POLN: variants seen among roughly 807,000 people sequenced by gnomAD.
The protein encoded by POLN is DNA polymerase N.
In POLN, 108 loss-of-function variants were observed where a neutral mutation model predicts 113.5. The observed-to-expected ratio is 0.95, with a 90% confidence interval of 0.81 to 1.12. The LOEUF (loss-of-function observed/expected upper bound fraction) is 1.12. Ranked by LOEUF, POLN falls within the 50% of genes most tolerant of loss-of-function variation. POLN has a pLI of 0.00. For missense variants in POLN, 1,097 were observed against 1,077.1 expected (o/e 1.02, Z -0.26); for synonymous variants, 386 against 391.5 (o/e 0.99, Z 0.17).
At chr4:2,146,787 C>T (rs961920947) in intron 16 of POLN, among the ~76,000 whole-genome samples, 5 of 151,996 alleles carry the variant, frequency 3.3e-5, no homozygotes, top group South Asian at 2.1e-4. Context: ...AAAAGTATCT[C>T]GACAGAGGTA....
Position 2,208,272 on chromosome 4 carries a change from A to C in POLN, c.429T>G (p.Asn143Lys), listed in dbSNP as rs1346276559. 1 of 1,589,022 alleles carries C rather than the reference A, an allele frequency of 6.3e-7. No homozygotes were observed. Among genetic ancestry groups the C allele is most frequent in the Admixed American group, 1.7e-5 (1 of 58,310 alleles). Residue 143 changes from asparagine to lysine, a missense_variant, in exon 5 of 26, where the codon AAT becomes AAG. By Grantham distance (94) the Asn-to-Lys change is moderately conservative. Coordinates refer to ENST00000511885, the MANE Select transcript of POLN (RefSeq NM_181808.4). ...GHKRKHFLME[N>K]INNENKGSIN... ...TGCTTCCTTTATTTTCATTATTTAT[A>C]TTCTCCATTAGGAAATGCTTTCTTT...
At chr4:2,075,311 G>C in intron 24 of POLN, 141 bp downstream of exon 24, 1 of 944,166 alleles carries the variant, frequency 1.1e-6, no homozygotes, top group South Asian at 1.7e-5. Flanking sequence ...CAGGACCCAG[G>C]TGACACAGCA....
At chr4:2,160,908 A>G (rs1358681513) in intron 13 of POLN, among the ~76,000 whole-genome samples, 1 of 152,142 alleles carries the variant, frequency 6.6e-6, no homozygotes, top group African/African-American at 2.4e-5. Flanking sequence ...TAGATACACA[A>G]TTCACCTGGA....
chr4:2,156,593 C>A, intron 16 of POLN, 195 bp downstream of exon 16: 1 of 654,930 alleles, frequency 1.5e-6, no homozygotes, highest in Non-Finnish European at 2.8e-6. Context: ...GCTAACTCAG[C>A]ACTTCATGAG....
chr4:2,188,367 G>A (rs922454596), intron 7 of POLN, among the ~76,000 whole-genome samples: 12 of 152,136 alleles, frequency 7.9e-5, no homozygotes, highest in African/African-American at 2.2e-4. Flanking sequence ...TTGGGAGGCC[G>A]AGGTGGGCAG....
chr4:2,134,519 T>TTTTG (rs36043791), intron 16 of POLN, among the ~76,000 whole-genome samples: 1 of 152,180 alleles, frequency 6.6e-6, no homozygotes, highest in Non-Finnish European at 1.5e-5. Flanking sequence ...AATGTAAGGT[T>TTTTG]TTTGTTTGTT....
At chr4:2,199,764 A>G (rs1733666121) in intron 5 of POLN, among the ~76,000 whole-genome samples, 1 of 137,630 alleles carries the variant, frequency 7.3e-6, no homozygotes, top group South Asian at 2.2e-4. Context: ...ATTTTAGTAG[A>G]GACGGGGTTT....
intron 16 of POLN, among the ~76,000 whole-genome samples, chr4:2,140,422 T>C (rs1040532073): frequency 6.6e-6 from 1 of 152,184 alleles, no homozygotes; most frequent in Non-Finnish European, 1.5e-5. Context: ...AATTTGTAAC[T>C]CTTATTTCTG....
At chr4:2,179,486 C>T in intron 7 of POLN, 21 bp from the exon 8 acceptor site, 1 of 1,608,038 alleles carries the variant, frequency 6.2e-7, no homozygotes, top group Non-Finnish European at 8.5e-7. Context: ...AAAGGTCATT[C>T]AGTCATCCCA....
chr4:2,177,546 C>T (rs1429300006), intron 8 of POLN, among the ~76,000 whole-genome samples: 1 of 152,218 alleles, frequency 6.6e-6, no homozygotes, highest in Non-Finnish European at 1.5e-5. Context: ...GAGACATAAA[C>T]AGAACTGCAT....
chr4:2,219,208 T>A (rs1734192711), intron 3 of POLN, among the ~76,000 whole-genome samples: 1 of 152,160 alleles, frequency 6.6e-6, no homozygotes, highest in Non-Finnish European at 1.5e-5. Context: ...AGGTTCCATT[T>A]ATTGCTTGAG....
At chr4:2,140,462 T>C (rs1731971207) in intron 16 of POLN, among the ~76,000 whole-genome samples, 1 of 152,180 alleles carries the variant, frequency 6.6e-6, no homozygotes, top group African/African-American at 2.4e-5. Context: ...AATTTGCCAC[T>C]TGGGCTGGAC....
At chr4:2,158,558 T>C (rs918346231) in intron 14 of POLN, among the ~76,000 whole-genome samples, 27 of 152,228 alleles carry the variant, frequency 1.8e-4, no homozygotes, top group Non-Finnish European at 3.1e-4. Context: ...GGAGCCAATG[T>C]GCTCCCTCAC....
At chr4:2,178,001 C>G (rs1733036461) in intron 8 of POLN, among the ~76,000 whole-genome samples, 1 of 152,228 alleles carries the variant, frequency 6.6e-6, no homozygotes, top group Non-Finnish European at 1.5e-5. Flanking sequence ...GTGGGCTACC[C>G]CATATCCTTC....
chr4:2,170,598 G>T, intron 13 of POLN, 81 bp downstream of exon 13: 1 of 1,212,332 alleles, frequency 8.2e-7, no homozygotes, highest in Middle Eastern at 1.9e-4. Flanking sequence ...TGAGAGTCTC[G>T]GGTGGGTCTG....
chr4:2,155,642 C>T (rs74439785), intron 16 of POLN, among the ~76,000 whole-genome samples: 1,531 of 152,164 alleles, frequency 0.01, 32 homozygotes, highest in African/African-American at 0.033. Context: ...CCTCCACATA[C>T]TTGTATTTCT....
intron 7 of POLN, 68 bp from the exon 8 acceptor site, chr4:2,179,533 G>A (rs1428323390): frequency 2.0e-5 from 30 of 1,472,222 alleles, no homozygotes; most frequent in Non-Finnish European, 2.8e-5. Context: ...CTTTGACAAA[G>A]TTCTTAAGTT....
intron 7 of POLN, among the ~76,000 whole-genome samples, chr4:2,180,572 G>C (rs1733113874): frequency 6.6e-6 from 1 of 152,114 alleles, no homozygotes; most frequent in Non-Finnish European, 1.5e-5. Flanking sequence ...AGCACATTTG[G>C]AGCTCTGGAT....
At chr4:2,135,271 G>A (rs971785800) in intron 16 of POLN, among the ~76,000 whole-genome samples, 1 of 152,166 alleles carries the variant, frequency 6.6e-6, no homozygotes, top group Non-Finnish European at 1.5e-5. Context: ...GAAATCAGGA[G>A]ACAGGAAGCG....
Sources: gnomAD v4.1 joint callset for allele counts (sites outside exome capture counted in the v4.1 genomes callset) on GRCh38, gnomAD v4.1.1 for gene constraint, MANE v1.5 for transcripts, NCBI Gene and HGNC (gene_info 2026-07-23, HGNC 2026-07-21) for gene names.